Variants in TARS3 observed in about 807,000 individuals in gnomAD.
The protein encoded by TARS3 is threonyl-tRNA synthetase 3.
Under a neutral mutation model 103.5 loss-of-function variants are expected in TARS3, and 94 were observed. The ratio of observed to expected loss-of-function variants is 0.91; its 90% CI spans 0.77 to 1.08. The LOEUF is 1.08. Among genes scored for constraint, TARS3 ranks in the 50% least tolerant of loss-of-function variants. The pLI, the probability that TARS3 is intolerant of heterozygous loss-of-function variation, is 0.00. For synonymous variants in TARS3, 416 were observed against 355.4 expected (o/e 1.17, Z -1.92); for missense variants, 952 against 995.2 (o/e 0.96, Z 0.58).
chr15:101,714,943 G>C lies in TARS3; in HGVS notation c.587C>G (p.Thr196Arg). Residue 196 changes from threonine (T) to arginine (R), a missense_variant, in exon 4 of 19, where the codon ACG becomes AGG. Physicochemically the swap from Thr to Arg is moderately conservative, Grantham distance 71. Coordinates refer to ENST00000335968, the MANE Select transcript of TARS3 (RefSeq NM_152334.3). ...AEISQELAES[T>R]VIAKVNGELW... is the part of the protein sequence containing the mutation. Reference sequence around the variant, plus strand: ...TTCACCATTGACTTTGGCTATTACCGTGCTTTCAGCCAGTTCCTGACTAAG... The same window carrying C: ...TTCACCATTGACTTTGGCTATTACCCTGCTTTCAGCCAGTTCCTGACTAAG... 6.2e-7 allele frequency: 1 copy of C among 1,609,900 alleles called. No individual in the cohort carries two copies. Among genetic ancestry groups the C allele is most frequent in the African/African-American group, 1.3e-5 (1 of 74,804 alleles).
Position 101,670,910 on chromosome 15 carries a change from C to T in TARS3, c.1967+576G>A, listed in dbSNP as rs139309253. ...TCAGAAGGCTCGATACTGCATGGCT[C>T]CGTTTACATGACATTCTGGAAAGGG... On this transcript the variant is annotated intron_variant, in intron 15 of 18. Transcript: ENST00000335968. 3.0e-3 allele frequency among the ~76,000 whole-genome samples: 452 copies of T among 152,206 alleles called. 1 individual carries two copies. The highest frequency in any genetic ancestry group is 9.5e-3 in the African/African-American group (395 of 41,544).
chr15:101,708,935 C>T, intron 5 of TARS3, 25 bp from the exon 6 acceptor site: 1 of 1,439,716 alleles, frequency 6.9e-7, no homozygotes, highest in Non-Finnish European at 9.4e-7. Context: ...AGAGAACCGA[C>T]ATCCATCTTC....
At position 101,658,928 on chromosome 15, in the gene TARS3, G is replaced by A. The variant is rs140953569; in HGVS notation, c.2073-1071C>T. 4.7e-3 allele frequency among the ~76,000 whole-genome samples: 721 copies of A among 152,234 alleles called. 3 individuals are homozygous for A. Among genetic ancestry groups the A allele is most frequent in the Middle Eastern group, 0.041 (12 of 294 alleles). On this transcript the variant is annotated intron_variant, in intron 16 of 18. Coordinates refer to ENST00000335968, the MANE Select transcript of TARS3 (RefSeq NM_152334.3). The stretch of plus-strand genomic sequence containing the variant: ...CTAGCTCAGCCTCCTGAGTAGCTGG[G>A]ATTACAGCCATTGCCACCACACCCA...
At position 101,686,040 on chromosome 15, in the gene TARS3, A is replaced by G; in HGVS notation, c.1343T>C (p.Phe448Ser). ...FIREEYHKRD[F>S]TEVLSPNMYN... ...CATATTGGGAGAGAGCACCTCCGTG[A>G]AGTCCCGTTTGTGATATTCCTCCTT... Residue 448 changes from phenylalanine to serine, a missense_variant, in exon 11 of 19, where the codon TTC becomes TCC. Physicochemically the swap from Phe to Ser is radical, Grantham distance 155. Coordinates refer to ENST00000335968, the MANE Select transcript of TARS3 (RefSeq NM_152334.3). The G allele has an allele frequency of 6.2e-7, 1 of 1,611,140 alleles. No homozygotes were observed. The highest frequency in any genetic ancestry group is 8.5e-7 in the Non-Finnish European group (1 of 1,178,082).
intron 3 of TARS3, among the ~76,000 whole-genome samples, chr15:101,716,827 T>C (rs1473500165): frequency 1.5e-4 from 23 of 151,634 alleles, no homozygotes; most frequent in Admixed American, 1.3e-3. Context: ...TGTTAGGTAC[T>C]ATTAAATTGT....
At position 101,656,086 on chromosome 15, in the gene TARS3, G is replaced by A. The variant is rs563647463; in HGVS notation, c.2260+836C>T. ...TAAAGAACCAGAGCAAGACAGGAACGAGAAATGGGGAGAAATACTCCTGGT... is the reference window on the plus strand; with the variant it reads ...TAAAGAACCAGAGCAAGACAGGAACAAGAAATGGGGAGAAATACTCCTGGT... On this transcript the variant is annotated intron_variant, in intron 18 of 18. Coordinates refer to ENST00000335968, the MANE Select transcript of TARS3 (RefSeq NM_152334.3). 3.2e-5 allele frequency: 40 copies of A among 1,260,574 alleles called. 2 individuals carry two copies. In the South Asian group the frequency reaches 4.1e-4, roughly 13 times the overall value. The allele number at this position is 1,260,574 out of a possible 1,614,324, so 78.1% of individuals were successfully genotyped here.
intron 10 of TARS3, among the ~76,000 whole-genome samples, chr15:101,700,364 T>C (rs1899200307): frequency 1.3e-5 from 2 of 152,208 alleles, no homozygotes; most frequent in Non-Finnish European, 2.9e-5. Flanking sequence ...CCAAATCACC[T>C]GGGAGTCATG....
At position 101,684,254 on chromosome 15, in the gene TARS3, A is replaced by C; in HGVS notation, c.1488-17T>G. On this transcript the variant is annotated splice_polypyrimidine_tract_variant and intron_variant, in intron 11 of 18. Transcript: ENST00000335968. ...AACATTAGACTAGAAAAGATGTGGTAACACACAGCTTTTACACAGCACAGA... is the reference window on the plus strand; with the variant it reads ...AACATTAGACTAGAAAAGATGTGGTCACACACAGCTTTTACACAGCACAGA... 1 of 1,611,294 alleles carries C rather than the reference A, an allele frequency of 6.2e-7. No homozygotes were observed. The highest frequency in any genetic ancestry group is 1.1e-5 in the South Asian group (1 of 90,684).
intron 10 of TARS3, among the ~76,000 whole-genome samples, chr15:101,692,856 G>A (rs1293290920): frequency 1.3e-5 from 2 of 152,190 alleles, no homozygotes; most frequent in African/African-American, 2.4e-5. Context: ...CCCTGCAGAA[G>A]AGCTGAATGT....
chr15:101,655,988 A>T lies in TARS3; in HGVS notation c.2260+934T>A, dbSNP rs559604309. The stretch of plus-strand genomic sequence containing the variant: ...TGAGATGATGCAGGAATCTACAGCC[A>T]TGCTTCTTGCCACACAGAAGGAAGA... On this transcript the variant is annotated intron_variant, in intron 18 of 18. Coordinates refer to ENST00000335968, the MANE Select transcript of TARS3 (RefSeq NM_152334.3). 109 of 1,289,238 alleles carry T rather than the reference A, an allele frequency of 8.5e-5. 1 individual carries two copies. In the South Asian group the frequency reaches 1.3e-3, roughly 16 times the overall value. The allele number at this position is 1,289,238 out of a possible 1,614,324, so 79.9% of individuals were successfully genotyped here.
chr15:101,720,495 G>T (rs1900393960), intron 3 of TARS3, among the ~76,000 whole-genome samples: 1 of 152,166 alleles, frequency 6.6e-6, no homozygotes, highest in African/African-American at 2.4e-5. Context: ...AATAAAGTCA[G>T]TGTAAAATGG....
At chr15:101,672,234 G>T (rs533819861) in intron 13 of TARS3, among the ~76,000 whole-genome samples, 1 of 152,232 alleles carries the variant, frequency 6.6e-6, no homozygotes, top group East Asian at 1.9e-4. Context: ...TGTCTGGGAG[G>T]GTCACTTATA....
intron 18 of TARS3, chr15:101,655,977 A>G: frequency 7.8e-7 from 1 of 1,289,238 alleles, no homozygotes; most frequent in Non-Finnish European, 1.0e-6. Context: ...ATGATGCAGG[A>G]ATCTACAGCC....
Position 101,675,681 on chromosome 15 carries a change from A to G in TARS3, c.1707T>C (p.Phe569=). 1 of 1,614,126 alleles carries G rather than the reference A, an allele frequency of 6.2e-7. No individual in the cohort carries two copies. The highest frequency in any genetic ancestry group is 2.2e-5 in the East Asian group (1 of 44,862). The change falls in exon 13 of 19, where the codon TTT becomes TTC. Residue 569 remains phenylalanine (F), a synonymous_variant. Transcript: ENST00000335968. ...LQFLQSVYST[F]GFSFQLNLST... is the part of the protein sequence containing the mutation. Reference sequence around the variant, plus strand: ...ACAGGTTTAATTGAAAGGAGAAGCCAAATGTTGAGTAAACAGATTGCAAAA... The same window carrying G: ...ACAGGTTTAATTGAAAGGAGAAGCCGAATGTTGAGTAAACAGATTGCAAAA...
intron 7 of TARS3, 104 bp downstream of exon 7, chr15:101,705,579 C>T (rs1193674892): frequency 2.2e-6 from 2 of 889,032 alleles, no homozygotes; most frequent in Admixed American, 2.3e-5. Flanking sequence ...TTATCAACTA[C>T]ACAACTTGAA....
intron 15 of TARS3, among the ~76,000 whole-genome samples, chr15:101,670,524 T>C (rs1021744455): frequency 2.0e-5 from 3 of 152,218 alleles, no homozygotes. Context: ...CAATATCAAG[T>C]ACTGGCAAGG....
intron 8 of TARS3, 53 bp from the exon 9 acceptor site, chr15:101,702,438 A>G (rs1250707665): frequency 6.9e-7 from 1 of 1,450,212 alleles, no homozygotes; most frequent in Non-Finnish European, 9.7e-7. Context: ...GTTGTAAGTA[A>G]AACTGCTCTT....
intron 1 of TARS3, 96 bp downstream of exon 1, chr15:101,723,995 C>G: frequency 8.5e-7 from 1 of 1,180,948 alleles, no homozygotes; most frequent in Non-Finnish European, 1.1e-6. Flanking sequence ...CCCCGGGGCG[C>G]CCCCGCACCT....
rs748453648 is a variant in TARS3 at position 101,724,336 on chromosome 15, G to A, written c.52C>T (p.Gln18Ter). Reference protein sequence around the residue: ...AEAVASRLERQEEDIRWLWSE... With the variant: ...AEAVASRLER ...CACAGCCAGCGGATGTCCTCCTCCT[G>A]CCGCTCCAGGCGCGACGCCACGGCC... Residue 18 changes from glutamine (Q) to a stop codon, truncating the protein, a stop_gained, in exon 1 of 19, where the codon CAG (glutamine) becomes TAG (stop). Transcript: ENST00000335968. LOFTEE classifies it high-confidence loss of function. 1 of 1,560,900 alleles carries A rather than the reference G, an allele frequency of 6.4e-7. No homozygotes were observed. Among genetic ancestry groups the A allele is most frequent in the East Asian group, 2.5e-5 (1 of 39,972 alleles).
Sources: gnomAD v4.1 joint callset for allele counts (sites outside exome capture counted in the v4.1 genomes callset) on GRCh38, gnomAD v4.1.1 for gene constraint, MANE v1.5 for transcripts, NCBI Gene and HGNC (gene_info 2026-07-23, HGNC 2026-07-21) for gene names.